KALRN: variants seen among roughly 807,000 people sequenced by gnomAD.
KALRN encodes kalirin RhoGEF kinase.
Under a neutral mutation model 353.7 loss-of-function variants are expected in KALRN, and 70 were observed. The observed-to-expected ratio is 0.20, with a 90% CI of 0.16 to 0.24. The LOEUF (loss-of-function observed/expected upper bound fraction) is 0.24. Ranked by LOEUF, KALRN falls within the 10% of genes least tolerant of loss-of-function variation. KALRN has a pLI of 1.00. For missense variants in KALRN, 2,791 were observed against 3,756.7 expected (o/e 0.74, Z 6.72); for synonymous variants, 1,391 against 1,434.8 (o/e 0.97, Z 0.69).
At chr3:124,135,062 A>G (rs752640089) in intron 1 of KALRN, among the ~76,000 whole-genome samples, 7 of 152,214 alleles carry the variant, frequency 4.6e-5, no homozygotes, top group Non-Finnish European at 1.0e-4. Context: ...TTACTTGAAA[A>G]AGATACTTGC....
At chr3:124,482,768 C>T in intron 27 of KALRN, 40 bp from the exon 28 acceptor site, 1 of 1,325,302 alleles carries the variant, frequency 7.5e-7, no homozygotes, top group Non-Finnish European at 1.1e-6. Flanking sequence ...CATGCACACA[C>T]CCCTCTGTGT....
At chr3:124,504,530 A>G (rs1438307706) in intron 33 of KALRN, among the ~76,000 whole-genome samples, 2 of 152,190 alleles carry the variant, frequency 1.3e-5, no homozygotes, top group Non-Finnish European at 2.9e-5. Context: ...CAGCAAATCC[A>G]CAGCAACACA....
rs192978362 is a variant in KALRN at position 124,341,792 on chromosome 3, A to G, written c.1648-5351A>G. ...TGTGGGCAATAATTGTAGTTTCAAC[A>G]GAATAAGAGAAACACCCACTCCAGC... On this transcript the variant is annotated intron_variant, in intron 9 of 59. Transcript: ENST00000682506. Among the ~76,000 whole-genome samples the G allele has an allele frequency of 3.7e-3, 563 of 152,336 alleles. 1 individual carries two copies. The highest frequency in any genetic ancestry group is 5.9e-3 in the Non-Finnish European group (401 of 68,032).
At chr3:124,244,161 A>C (rs1187339090) in intron 3 of KALRN, among the ~76,000 whole-genome samples, 2 of 152,172 alleles carry the variant, frequency 1.3e-5, no homozygotes, top group Non-Finnish European at 1.5e-5. Flanking sequence ...ATATTTTAAG[A>C]GTTTTTTAAA....
chr3:124,270,088 C>T (rs1337303212), intron 5 of KALRN, among the ~76,000 whole-genome samples: 1 of 152,118 alleles, frequency 6.6e-6, no homozygotes, highest in Middle Eastern at 3.2e-3. Flanking sequence ...AGGTATCTTT[C>T]CTAGATTCTC....
chr3:124,077,225 T>A (rs908852538), intron 1 of KALRN, among the ~76,000 whole-genome samples: 9 of 152,228 alleles, frequency 5.9e-5, no homozygotes, highest in Non-Finnish European at 1.0e-4. Context: ...GGTTGTGTGA[T>A]GTCTCATGTC....
At chr3:124,252,913 G>C (rs1454181072) in intron 3 of KALRN, among the ~76,000 whole-genome samples, 1 of 152,178 alleles carries the variant, frequency 6.6e-6, no homozygotes, top group Admixed American at 6.5e-5. Context: ...CTGTCTGTGG[G>C]AGCAAACATT....
At chr3:124,383,883 C>A (rs1560754726) in intron 10 of KALRN, among the ~76,000 whole-genome samples, 1 of 152,158 alleles carries the variant, frequency 6.6e-6, no homozygotes, top group Non-Finnish European at 1.5e-5. Flanking sequence ...CAATTCTCCA[C>A]TCACTTTGTG....
intron 51 of KALRN, among the ~76,000 whole-genome samples, chr3:124,682,690 C>CCAT (rs1350154213): frequency 6.6e-6 from 1 of 152,170 alleles, no homozygotes; most frequent in Non-Finnish European, 1.5e-5. Flanking sequence ...ATTTGTCCCA[C>CCAT]CATGGTGTTT....
chr3:124,538,311 G>C (rs2068718760), intron 33 of KALRN, among the ~76,000 whole-genome samples: 1 of 151,916 alleles, frequency 6.6e-6, no homozygotes, highest in Non-Finnish European at 1.5e-5. Context: ...AGAAACAGAG[G>C]CAGAGACAGA....
intron 21 of KALRN, 32 bp downstream of exon 21, chr3:124,446,917 C>T: frequency 1.9e-6 from 3 of 1,605,256 alleles, no homozygotes; most frequent in Non-Finnish European, 2.5e-6. Flanking sequence ...CCCCCAGATC[C>T]ACCCAGAACT....
At chr3:124,121,272 G>C (rs2064002063) in intron 1 of KALRN, among the ~76,000 whole-genome samples, 1 of 152,080 alleles carries the variant, frequency 6.6e-6, no homozygotes, top group South Asian at 2.1e-4. Context: ...TAGAGGTTTT[G>C]ATTGTTTATA....
chr3:124,096,700 T>G (rs1005038256), intron 1 of KALRN: 4 of 152,090 alleles, frequency 2.6e-5, no homozygotes, highest in African/African-American at 9.7e-5. Context: ...ACATAAAGGG[T>G]CTTGTTTTCT....
intron 34 of KALRN, among the ~76,000 whole-genome samples, chr3:124,574,956 T>C (rs1334657864): frequency 6.6e-6 from 1 of 152,210 alleles, no homozygotes; most frequent in Non-Finnish European, 1.5e-5. Context: ...ACCGCCACAC[T>C]GCCTTCCCTG....
chr3:124,558,296 G>A (rs1377997290), intron 33 of KALRN, among the ~76,000 whole-genome samples: 1 of 148,544 alleles, frequency 6.7e-6, no homozygotes, highest in Non-Finnish European at 1.5e-5. Context: ...TTTTTTCTTT[G>A]AGAGGGAGTC....
At chr3:124,452,228 A>G (rs961917391) in intron 21 of KALRN, among the ~76,000 whole-genome samples, 1 of 152,170 alleles carries the variant, frequency 6.6e-6, no homozygotes, top group Admixed American at 6.5e-5. Flanking sequence ...TATCCAATTC[A>G]TGGGCCAAAT....
chr3:124,698,119 C>T (rs2062141939), intron 55 of KALRN, among the ~76,000 whole-genome samples: 1 of 152,100 alleles, frequency 6.6e-6, no homozygotes, highest in Non-Finnish European at 1.5e-5. Context: ...AAAGCGCACA[C>T]CACCACACCC....
chr3:124,601,850 C>A (rs551021345), intron 34 of KALRN, among the ~76,000 whole-genome samples: 3 of 138,378 alleles, frequency 2.2e-5, no homozygotes, highest in African/African-American at 8.2e-5. Context: ...GGCAACATGG[C>A]GAAACCCCAT....
chr3:124,094,698 G>A, intron 1 of KALRN: 1 of 711,736 alleles, frequency 1.4e-6, no homozygotes, highest in Non-Finnish European at 2.6e-6. Context: ...AGGACTGGTG[G>A]CTGTCTTTGC....
Sources: gnomAD v4.1 joint callset for allele counts (sites outside exome capture counted in the v4.1 genomes callset) on GRCh38, gnomAD v4.1.1 for gene constraint, MANE v1.5 for transcripts, NCBI Gene and HGNC (gene_info 2026-07-23, HGNC 2026-07-21) for gene names.